CASK: variants seen among roughly 807,000 people sequenced by gnomAD.
The protein encoded by CASK is peripheral plasma membrane protein CASK.
Under a neutral mutation model 82.9 loss-of-function variants are expected in CASK, and 4 were observed. The ratio of observed to expected loss-of-function variants is 0.05; its 90% CI spans 0.02 to 0.11. The LOEUF (loss-of-function observed/expected upper bound fraction) is 0.11. Ranked by LOEUF, CASK falls within the 10% of genes least tolerant of loss-of-function variation. The probability of loss-of-function intolerance (pLI) is 1.00; values close to 1 mark genes in which losing one functional copy is unlikely to be tolerated. For synonymous variants in CASK, 259 were observed against 253.5 expected (o/e 1.02, Z -0.20); for missense variants, 358 against 720.9 (o/e 0.50, Z 5.76).
chrX:41,673,412 G>T (rs763822842), intron 5 of CASK, among the ~76,000 whole-genome samples: 1 of 112,032 alleles, frequency 8.9e-6, no homozygotes, highest in South Asian at 3.7e-4. Context: ...GAGCCACTGT[G>T]CCTGGCCTAA....
chrX:41,771,530 C>T (rs1305600342), intron 3 of CASK, among the ~76,000 whole-genome samples: 1 of 111,404 alleles, frequency 9.0e-6, no homozygotes, highest in Admixed American at 9.6e-5. Flanking sequence ...ACATGAAAAA[C>T]ATAGCCTAAA....
At chrX:41,740,035 G>C (rs1388659247) in intron 4 of CASK, among the ~76,000 whole-genome samples, 1 of 112,283 alleles carries the variant, frequency 8.9e-6, no homozygotes, top group African/African-American at 3.2e-5. Context: ...GTCCTAGAAA[G>C]CCTGACTCCT....
chrX:41,908,080 A>G (rs977929653), intron 1 of CASK, among the ~76,000 whole-genome samples: 5 of 111,414 alleles, frequency 4.5e-5, no homozygotes, highest in South Asian at 7.6e-4. Flanking sequence ...CAGCGGCCCA[A>G]GGGTTGGGGA....
intron 25 of CASK, among the ~76,000 whole-genome samples, chrX:41,527,175 C>T (rs749079076): frequency 1.1e-4 from 12 of 108,077 alleles, no homozygotes; most frequent in Non-Finnish European, 1.9e-4. Context: ...CTCTGGGATT[C>T]GGAGAGAGAG....
intron 25 of CASK, chrX:41,529,394 GGCA>G (rs755134493): frequency 1.9e-4 from 34 of 177,437 alleles, no homozygotes; most frequent in South Asian, 3.4e-4. Context: ...CAGCAGCAGC[GGCA>G]GCAGCAGCAG....
intron 5 of CASK, among the ~76,000 whole-genome samples, chrX:41,724,945 G>C (rs767427426): frequency 2.2e-4 from 25 of 112,185 alleles, no homozygotes; most frequent in African/African-American, 7.7e-4. Context: ...AAAACCTACT[G>C]TGAGCAGATA....
rs2072827242 is a variant in CASK, at chrX:41,923,523, C to T, written c.-535G>A. 1 of 111,323 alleles carries T rather than the reference C, an allele frequency of 9.0e-6. No individual in the cohort carries two copies. Among genetic ancestry groups the T allele is most frequent in the African/African-American group, 3.2e-5 (1 of 30,831 alleles). 9.2% of individuals were successfully genotyped at this position (111,323 alleles called of 1,213,427 possible). On this transcript the variant is annotated 5_prime_UTR_variant, in exon 1 of 27. Coordinates refer to ENST00000378163, the MANE Select transcript of CASK (RefSeq NM_001367721.1). ...AGAGACGCTCCCTCCTCTTTCTCCT[C>T]CTCCCGCAGCCGCCACCGCCCGCCC...
intron 10 of CASK, among the ~76,000 whole-genome samples, chrX:41,623,064 T>C: frequency 9.1e-6 from 1 of 109,761 alleles, no homozygotes; most frequent in African/African-American, 3.3e-5. Context: ...CAGCTAATTT[T>C]TGTATTTTTA....
chrX:41,831,155 T>C (rs2070801949), intron 2 of CASK, among the ~76,000 whole-genome samples: 1 of 110,867 alleles, frequency 9.0e-6, no homozygotes. Context: ...CAAAACTCTC[T>C]ACCTTCACTT....
chrX:41,706,090 A>G (rs1055266926), intron 5 of CASK, among the ~76,000 whole-genome samples: 26 of 112,023 alleles, frequency 2.3e-4, no homozygotes, highest in African/African-American at 7.8e-4. Context: ...TTTGTTCTCA[A>G]AAGAAAAACA....
chrX:41,838,186 G>C (rs2070963232), intron 2 of CASK, among the ~76,000 whole-genome samples: 1 of 111,483 alleles, frequency 9.0e-6, no homozygotes, highest in South Asian at 3.8e-4. Flanking sequence ...TATTAAGTGT[G>C]GAGCGATATC....
chrX:41,750,185 T>C (rs2068763607), intron 3 of CASK, among the ~76,000 whole-genome samples: 1 of 112,253 alleles, frequency 8.9e-6, no homozygotes, highest in African/African-American at 3.2e-5. Flanking sequence ...AATCTACTAA[T>C]TTTAAATTTC....
intron 2 of CASK, among the ~76,000 whole-genome samples, chrX:41,792,372 C>T (rs1226547315): frequency 1.9e-5 from 2 of 106,497 alleles, no homozygotes; most frequent in Admixed American, 2.0e-4. Context: ...CTCACTGTAA[C>T]CTTGAACTCC....
At chrX:41,877,839 T>C (rs1215356002) in intron 1 of CASK, among the ~76,000 whole-genome samples, 1 of 111,426 alleles carries the variant, frequency 9.0e-6, no homozygotes, top group African/African-American at 3.3e-5. Context: ...TAGGGTAATA[T>C]AGCACAAAGG....
chrX:41,521,439 C>T (rs1166782269), intron 26 of CASK, among the ~76,000 whole-genome samples: 1 of 111,917 alleles, frequency 8.9e-6, no homozygotes, highest in Non-Finnish European at 1.9e-5. Context: ...AGGTTTGCTG[C>T]AACAAAGGAT....
In CASK at chrX:41,586,933, G is replaced by A. The variant is rs149798861; in HGVS notation, c.1288C>T (p.Arg430Cys). Residue 430 changes from arginine (R) to cysteine (C), a missense_variant, in exon 14 of 27, where the codon CGT (arginine) becomes TGT (cysteine). By Grantham distance (180) the Arg-to-Cys change is radical. Transcript: ENST00000378163. ...PENNDAKELK[R>C]ILTQPHFMAL... ...ATGAAATGAGGTTGTGTTAAAATAC[G>A]CTTTAGTTCCTTTGCGTCGTTATTC... 14 of 1,181,271 alleles carry A rather than the reference G, an allele frequency of 1.2e-5. No homozygotes were observed. The highest frequency in any genetic ancestry group is 7.2e-5 in the South Asian group (4 of 55,891).
intron 5 of CASK, among the ~76,000 whole-genome samples, chrX:41,738,279 T>C (rs1254855591): frequency 2.7e-5 from 3 of 112,965 alleles, no homozygotes; most frequent in Non-Finnish European, 5.6e-5. Flanking sequence ...TTGGCCAGAA[T>C]ACTTTTTCAT....
intron 1 of CASK, among the ~76,000 whole-genome samples, chrX:41,912,788 A>ATT (rs1473162055): frequency 4.2e-5 from 4 of 95,277 alleles, no homozygotes; most frequent in African/African-American, 1.1e-4. Flanking sequence ...CTTGCAAGTA[A>ATT]TTTATATATA....
At chrX:41,734,595 T>C (rs1245196446) in intron 5 of CASK, among the ~76,000 whole-genome samples, 10 of 112,331 alleles carry the variant, frequency 8.9e-5, no homozygotes, top group African/African-American at 3.2e-4. Context: ...AATTAATACC[T>C]GTAGGGAGGC....
Sources: allele counts gnomAD v4.1 joint callset (sites outside exome capture counted in the v4.1 genomes callset), GRCh38; gene constraint gnomAD v4.1.1; transcripts MANE v1.5; gene names NCBI Gene and HGNC (gene_info 2026-07-23, HGNC 2026-07-21).